Variants in C12orf56 observed in about 807,000 individuals in gnomAD.
The protein encoded by C12orf56 is uncharacterized protein C12orf56.
A neutral mutation model predicts 69.9 loss-of-function variants in C12orf56; 71 were observed. The observed-to-expected ratio is 1.02, with a 90% CI of 0.84 to 1.24. The LOEUF is 1.24. Among genes scored for constraint, C12orf56 ranks in the 50% most tolerant of loss-of-function variants. C12orf56 has a pLI of 0.00. For synonymous variants in C12orf56, 276 were observed against 274.1 expected, an observed-to-expected ratio of 1.01 and a Z score of -0.07; for missense variants, 732 against 738.5, an observed-to-expected ratio of 0.99 and a Z score of 0.10.
intron 1 of C12orf56, among the ~76,000 whole-genome samples, chr12:64,379,288 A>AT (rs375429247): frequency 0.11 from 16,233 of 141,696 alleles, 1,019 homozygotes; most frequent in Middle Eastern, 0.24. Context: ...ATGCAATTTC[A>AT]TTTTTTTTTT....
chr12:64,363,648 G>A (rs1359213515), intron 1 of C12orf56, among the ~76,000 whole-genome samples: 3 of 152,164 alleles, frequency 2.0e-5, no homozygotes, highest in Non-Finnish European at 4.4e-5. Flanking sequence ...CATGGGAATA[G>A]CCAGAGTAGT....
chr12:64,267,329 A>G (rs1473881181), intron 12 of C12orf56, 41 bp from the exon 13 acceptor site: 7 of 1,488,838 alleles, frequency 4.7e-6, no homozygotes, highest in Admixed American at 3.9e-5. Flanking sequence ...AGTTTTAAAA[A>G]CAAGAATTTT....
chr12:64,309,713 A>G (rs1014910872), intron 5 of C12orf56, among the ~76,000 whole-genome samples: 2 of 152,046 alleles, frequency 1.3e-5, no homozygotes, highest in Admixed American at 6.6e-5. Context: ...GTTTCGCCCT[A>G]TTGGCCAGGC....
intron 1 of C12orf56, among the ~76,000 whole-genome samples, chr12:64,355,220 A>T (rs2039294551): frequency 6.6e-6 from 1 of 152,182 alleles, no homozygotes; most frequent in African/African-American, 2.4e-5. Context: ...TAAGAAAGAA[A>T]TATCAAGTAA....
chr12:64,374,275 G>T (rs2039611691), intron 1 of C12orf56, among the ~76,000 whole-genome samples: 1 of 152,100 alleles, frequency 6.6e-6, no homozygotes, highest in Admixed American at 6.6e-5. Context: ...AAGACTAAAA[G>T]TAAAAATCTT....
chr12:64,283,429 C>G (rs2136763405), intron 8 of C12orf56, among the ~76,000 whole-genome samples: 1 of 152,264 alleles, frequency 6.6e-6, no homozygotes, highest in East Asian at 1.9e-4. Flanking sequence ...GCTACTGTCC[C>G]CCCCTATACA....
chr12:64,268,543 G>T (rs1202845304), intron 12 of C12orf56, among the ~76,000 whole-genome samples: 1 of 152,122 alleles, frequency 6.6e-6, no homozygotes, highest in Non-Finnish European at 1.5e-5. Context: ...GTTTCCAGGG[G>T]TTAGGAGGAG....
intron 3 of C12orf56, 117 bp downstream of exon 3, chr12:64,330,843 G>C: frequency 1.3e-6 from 1 of 765,876 alleles, no homozygotes; most frequent in South Asian, 2.0e-5. Context: ...GCATATGTAA[G>C]ATTAATAGAA....
At chr12:64,377,787 A>T (rs917095780) in intron 1 of C12orf56, among the ~76,000 whole-genome samples, 1 of 152,210 alleles carries the variant, frequency 6.6e-6, no homozygotes, top group Non-Finnish European at 1.5e-5. Flanking sequence ...AAACTGAAAC[A>T]TACAAAATGT....
intron 3 of C12orf56, among the ~76,000 whole-genome samples, chr12:64,322,646 C>T (rs576224681): frequency 6.6e-6 from 1 of 152,082 alleles, no homozygotes; most frequent in Non-Finnish European, 1.5e-5. Flanking sequence ...TAGCGAGGCC[C>T]CATTTCTGAT....
At chr12:64,307,392 C>T (rs1192395025) in intron 5 of C12orf56, among the ~76,000 whole-genome samples, 29 of 56,470 alleles carry the variant, frequency 5.1e-4, no homozygotes, top group Admixed American at 4.9e-3. Flanking sequence ...TTTTTTGAGA[C>T]GGAGTCTTGC....
chr12:64,347,505 C>T (rs55937542), intron 2 of C12orf56, among the ~76,000 whole-genome samples: 40,426 of 151,838 alleles, frequency 0.27, 5,821 homozygotes, highest in Admixed American at 0.37. Flanking sequence ...AGGCCAGTCT[C>T]GAACTCCTGA....
intron 3 of C12orf56, among the ~76,000 whole-genome samples, chr12:64,319,586 G>A (rs1049323541): frequency 6.6e-6 from 1 of 152,076 alleles, no homozygotes; most frequent in Non-Finnish European, 1.5e-5. Flanking sequence ...TTGTAGTGAT[G>A]GTGAGACACA....
intron 2 of C12orf56, among the ~76,000 whole-genome samples, chr12:64,350,174 A>G (rs1184968826): frequency 2.6e-5 from 4 of 151,910 alleles, no homozygotes; most frequent in African/African-American, 9.7e-5. Flanking sequence ...GGAATAAAAG[A>G]CTACAAATTG....
chr12:64,317,725 G>A (rs968905977), intron 4 of C12orf56, among the ~76,000 whole-genome samples: 2 of 151,738 alleles, frequency 1.3e-5, no homozygotes, highest in African/African-American at 4.8e-5. Context: ...ACACCACTGC[G>A]CTCCAGCCTG....
intron 6 of C12orf56, among the ~76,000 whole-genome samples, chr12:64,295,731 T>C (rs1310025608): frequency 6.6e-6 from 1 of 151,208 alleles, no homozygotes; most frequent in African/African-American, 2.4e-5. Context: ...AATTAAAAAA[T>C]AAAGACCACT....
At chr12:64,323,595 A>C (rs369750024) in intron 3 of C12orf56, among the ~76,000 whole-genome samples, 50 of 125,918 alleles carry the variant, frequency 4.0e-4, no homozygotes, top group African/African-American at 1.6e-3. Flanking sequence ...ACAGGGTCTT[A>C]CTCTGTCACC....
At chr12:64,358,479 A>ATCATCATC (rs1565773423) in intron 1 of C12orf56, among the ~76,000 whole-genome samples, 58 of 25,078 alleles carry the variant, frequency 2.3e-3, no homozygotes, top group African/African-American at 3.4e-3. Context: ...TAATAATAAT[A>ATCATCATC]ATAATCATCA....
At chr12:64,349,537 T>C (rs886735843) in intron 2 of C12orf56, among the ~76,000 whole-genome samples, 1 of 152,220 alleles carries the variant, frequency 6.6e-6, no homozygotes, top group Admixed American at 6.5e-5. Flanking sequence ...TAAAAGTCTT[T>C]ATATGAAAAA....
Sources: allele counts gnomAD v4.1 joint callset (sites outside exome capture counted in the v4.1 genomes callset), GRCh38; gene constraint gnomAD v4.1.1; transcripts MANE v1.5; gene names NCBI Gene and HGNC (gene_info 2026-07-23, HGNC 2026-07-21).